The following SEMA4F variants were observed in gnomAD, a reference collection of about 807,000 sequenced individuals.
SEMA4F encodes the protein semaphorin-4F.
Under a neutral mutation model 78.4 loss-of-function variants are expected in SEMA4F, and 51 were observed. That is an observed-to-expected ratio of 0.65 (90% confidence interval 0.52 to 0.82). The LOEUF is 0.82. Among genes scored for constraint, SEMA4F ranks in the 40% least tolerant of loss-of-function variants. The probability of loss-of-function intolerance (pLI) is 0.00; values close to 1 mark genes in which losing one functional copy is unlikely to be tolerated. For synonymous variants in SEMA4F, 418 were observed against 408.7 expected, an observed-to-expected ratio of 1.02 and a Z score of -0.27; for missense variants, 938 against 1,014.4, an observed-to-expected ratio of 0.92 and a Z score of 1.02.
intron 7 of SEMA4F, among the ~76,000 whole-genome samples, chr2:74,674,254 A>G (rs1205244664): frequency 6.6e-6 from 1 of 152,184 alleles, no homozygotes; most frequent in Non-Finnish European, 1.5e-5. Flanking sequence ...TAAAACACAT[A>G]ATACAGCACT....
At chr2:74,665,861 G>C (rs1684664800) in intron 5 of SEMA4F, among the ~76,000 whole-genome samples, 1 of 150,426 alleles carries the variant, frequency 6.6e-6, no homozygotes, top group South Asian at 2.1e-4. Context: ...AACACTCTAA[G>C]ATAATCATTT....
rs375391293 is a variant in SEMA4F at position 74,679,944 on chromosome 2, G to A, written c.2048G>A (p.Arg683His). ...ASLTLILIGRRQQRRRQRELL... is the reference protein window; with the variant it reads ...ASLTLILIGRHQQRRRQRELL... ...CTGACTCTCATTCTGATTGGTCGGC[G>A]TCAGCAGCGACGGCGACAGAGGGAA... The change falls in exon 14 of 14, where the codon CGT becomes CAT. Residue 683 changes from arginine to histidine, a missense_variant. Coordinates refer to ENST00000357877, the MANE Select transcript of SEMA4F (RefSeq NM_004263.5). 5.5e-5 allele frequency: 88 copies of A among 1,614,238 alleles called. No homozygotes were observed. Among genetic ancestry groups the A allele is most frequent in the South Asian group, 2.0e-4 (18 of 91,090 alleles).
chr2:74,665,896 A>AT (rs1170487569), intron 5 of SEMA4F, among the ~76,000 whole-genome samples: 5 of 147,938 alleles, frequency 3.4e-5, no homozygotes, highest in Non-Finnish European at 4.5e-5. Flanking sequence ...TCAAGCAGTA[A>AT]TTTTTGTTTT....
intron 1 of SEMA4F, 44 bp downstream of exon 1, chr2:74,654,565 C>A (rs1202212174): frequency 4.8e-6 from 7 of 1,459,748 alleles, no homozygotes; most frequent in Non-Finnish European, 6.4e-6. Context: ...GCGCCCACAC[C>A]CACACCCACA....
the SEMA4F span, among the ~76,000 whole-genome samples, chr2:74,692,739 T>C: frequency 6.6e-6 from 1 of 152,214 alleles, no homozygotes; most frequent in Non-Finnish European, 1.5e-5. Context: ...CTGAGGCTTC[T>C]GTTCAGAGGG....
At chr2:74,673,625 T>G (rs1169214980) in intron 6 of SEMA4F, 49 bp downstream of exon 6, 1 of 1,613,080 alleles carries the variant, frequency 6.2e-7, no homozygotes, top group South Asian at 1.1e-5. Context: ...GGGTGGAGTC[T>G]GGGAAGTCCT....
At chr2:74,674,762 G>T in intron 8 of SEMA4F, 86 bp downstream of exon 8, 5 of 1,560,392 alleles carry the variant, frequency 3.2e-6, no homozygotes, top group Non-Finnish European at 4.3e-6. Flanking sequence ...TCCAGAGGGG[G>T]CAGGCTCTCC....
the SEMA4F span, among the ~76,000 whole-genome samples, chr2:74,706,948 C>G: frequency 6.6e-6 from 1 of 152,160 alleles, no homozygotes; most frequent in Non-Finnish European, 1.5e-5. Context: ...AGCAGGATCC[C>G]TGGTAGGCCA....
chr2:74,669,500 G>A (rs1027256023), intron 5 of SEMA4F, among the ~76,000 whole-genome samples: 22 of 151,926 alleles, frequency 1.4e-4, no homozygotes, highest in Non-Finnish European at 2.4e-4. Context: ...CAGGAGAATC[G>A]CTTGAACCTG....
At position 74,673,461 on chromosome 2, in the gene SEMA4F, G is replaced by A. The variant is rs34617503; in HGVS notation, c.555G>A (p.Gly185=). ...AQRSAAVMAG[G]VLYAATVKNY... is the part of the protein sequence containing the mutation. ...CTCCTCCCTGTCGCCCTGCAGGGGG[G>A]GTCCTCTATGCTGCCACTGTGAAAA... Residue 185 remains glycine, a synonymous_variant, in exon 6 of 14, where the codon GGG becomes GGA. Transcript: ENST00000357877. 5.0e-6 allele frequency: 8 copies of A among 1,613,868 alleles called. No homozygotes were observed. The highest frequency in any genetic ancestry group is 3.3e-5 in the Admixed American group (2 of 59,994).
At chr2:74,669,835 C>T (rs1684890573) in intron 5 of SEMA4F, among the ~76,000 whole-genome samples, 1 of 151,876 alleles carries the variant, frequency 6.6e-6, no homozygotes, top group African/African-American at 2.4e-5. Context: ...GTTTCTTCGT[C>T]TTTTGTGGCT....
intron 5 of SEMA4F, among the ~76,000 whole-genome samples, chr2:74,671,122 TAGTATTAATACA>T (rs1357031225): frequency 1.4e-4 from 21 of 152,332 alleles, no homozygotes; most frequent in African/African-American, 4.8e-4. Context: ...ACTTAGGTAC[TAGTATTAATACA>T]AGTACTAGTA....
chr2:74,675,377 G>C lies in SEMA4F; in HGVS notation c.1365G>C (p.Leu455=). 6.2e-7 allele frequency: 1 copy of C among 1,613,050 alleles called. No homozygotes were observed. The highest frequency in any genetic ancestry group is 8.5e-7 in the Non-Finnish European group (1 of 1,179,422). Reference sequence around the variant, plus strand: ...GGAAAGAGTATGATGTGCTCTACCTGGGGACAGGTATATTTAATGGTCAAG... The same window carrying C: ...GGAAAGAGTATGATGTGCTCTACCTCGGGACAGGTATATTTAATGGTCAAG... ...LSGKEYDVLY[L]GTEDGHLHRA... Residue 455 remains leucine (L), a synonymous_variant, in exon 10 of 14, where the codon CTG becomes CTC. Transcript: ENST00000357877.
chr2:74,659,163 C>G (rs1367595120), intron 4 of SEMA4F, among the ~76,000 whole-genome samples: 5 of 152,126 alleles, frequency 3.3e-5, no homozygotes, highest in African/African-American at 9.7e-5. Context: ...TCTCTGTATT[C>G]CCTCAGGTAA....
chr2:74,655,256 G>T (rs771357278), intron 1 of SEMA4F: 1 of 374,942 alleles, frequency 2.7e-6, no homozygotes, highest in South Asian at 2.2e-5. Context: ...CTGCTTAAAT[G>T]ATTTTTCAAG....
chr2:74,672,187 C>G (rs1361428115), intron 5 of SEMA4F, among the ~76,000 whole-genome samples: 1 of 152,210 alleles, frequency 6.6e-6, no homozygotes, highest in Non-Finnish European at 1.5e-5. Flanking sequence ...AGCTTCCTCT[C>G]TGCTCACTGG....
chr2:74,695,774 G>A, the SEMA4F span, among the ~76,000 whole-genome samples: 4 of 152,210 alleles, frequency 2.6e-5, no homozygotes, highest in African/African-American at 9.6e-5. Flanking sequence ...AGAGCAGGAA[G>A]TAACCAGATA....
downstream of SEMA4F, among the ~76,000 whole-genome samples, chr2:74,688,395 T>C (rs911397019): frequency 1.3e-5 from 2 of 152,072 alleles, no homozygotes; most frequent in Non-Finnish European, 2.9e-5. Flanking sequence ...TTAAAATAAA[T>C]GAGAAAAACA....
At chr2:74,656,492 T>G (rs774901775) in intron 1 of SEMA4F, 42 bp from the exon 2 acceptor site, 3 of 1,597,516 alleles carry the variant, frequency 1.9e-6, no homozygotes, top group Admixed American at 1.7e-5. Flanking sequence ...ACTTGACCCT[T>G]AGGAAGCGAT....
Sources: gnomAD v4.1 joint callset for allele counts (sites outside exome capture counted in the v4.1 genomes callset) on GRCh38, gnomAD v4.1.1 for gene constraint, MANE v1.5 for transcripts, NCBI Gene and HGNC (gene_info 2026-07-23, HGNC 2026-07-21) for gene names.